The following SLC2A9 variants were observed in gnomAD, a reference collection of about 807,000 sequenced individuals.
SLC2A9 encodes solute carrier family 2 member 9, also known as solute carrier family 2, facilitated glucose transporter member 9.
A neutral mutation model predicts 50.6 loss-of-function variants in SLC2A9; 39 were observed. The ratio of observed to expected loss-of-function variants is 0.77; its 90% confidence interval spans 0.60 to 1.01. SLC2A9 has a LOEUF of 1.01. SLC2A9 is among the 50% of genes least tolerant of loss of function. SLC2A9 has a pLI of 0.00. For missense variants in SLC2A9, 686 were observed against 677.6 expected (o/e 1.01, Z -0.14); for synonymous variants, 324 against 276.9 (o/e 1.17, Z -1.69).
chr4:9,911,008 G>A (rs1168659366), intron 7 of SLC2A9, among the ~76,000 whole-genome samples: 1 of 149,594 alleles, frequency 6.7e-6, no homozygotes, highest in Non-Finnish European at 1.5e-5. Flanking sequence ...GGGTGTGGGG[G>A]GGCTAGAGGA....
chr4:10,015,835 C>CACTG (rs1560493401), intron 2 of SLC2A9, among the ~76,000 whole-genome samples: 1 of 152,222 alleles, frequency 6.6e-6, no homozygotes, highest in East Asian at 1.9e-4. Context: ...CAGCCAAAGA[C>CACTG]ACTGACGTCT....
At chr4:9,881,748 T>G (rs1735253981) in intron 10 of SLC2A9, among the ~76,000 whole-genome samples, 1 of 152,234 alleles carries the variant, frequency 6.6e-6, no homozygotes, top group South Asian at 2.1e-4. Flanking sequence ...AAGCCATGGC[T>G]GAAGGAATTC....
intron 2 of SLC2A9, among the ~76,000 whole-genome samples, chr4:10,015,267 C>A (rs1762428791): frequency 1.3e-5 from 2 of 152,228 alleles, no homozygotes; most frequent in African/African-American, 2.4e-5. Context: ...AAACTCCCCC[C>A]ATGGCTGGAC....
At chr4:9,788,920 G>T (rs1482197115) in intron 3 of SLC2A9, among the ~76,000 whole-genome samples, 1 of 152,138 alleles carries the variant, frequency 6.6e-6, no homozygotes. Context: ...GTAGAAAATG[G>T]TACAGAGAAA....
intron 6 of SLC2A9, among the ~76,000 whole-genome samples, chr4:9,926,678 T>C (rs1744960527): frequency 6.6e-6 from 1 of 152,034 alleles, no homozygotes; most frequent in South Asian, 2.1e-4. Context: ...TTCATAAACA[T>C]ATGCTGAAGT....
intron 8 of SLC2A9, among the ~76,000 whole-genome samples, chr4:9,896,420 G>T (rs1218288366): frequency 1.3e-5 from 2 of 152,124 alleles, no homozygotes; most frequent in Admixed American, 6.5e-5. Flanking sequence ...TAAAGCATGT[G>T]TTCATATATT....
chr4:9,984,084 T>A (rs1265005821), intron 4 of SLC2A9, among the ~76,000 whole-genome samples: 1 of 152,192 alleles, frequency 6.6e-6, no homozygotes, highest in Non-Finnish European at 1.5e-5. Context: ...GGATAAACTC[T>A]CAATAGCCAT....
rs375484164 is a variant in SLC2A9 at position 9,920,562 on chromosome 4, C to T, written c.825G>A (p.Thr275=). Residue 275 remains threonine (T), a synonymous_variant, in exon 7 of 12, where the codon ACG becomes ACA. Transcript: ENST00000264784. The part of the protein sequence containing the change: ...NEARAVKAFQ[T]FLGKADVSQE... ...GGGAAACGTCTGCTTTACCCAAGAACGTTTGGAAGGCTGCAAACAGAGGCA... is the reference window on the plus strand; with the variant it reads ...GGGAAACGTCTGCTTTACCCAAGAATGTTTGGAAGGCTGCAAACAGAGGCA... 105 of 1,614,010 alleles carry T rather than the reference C, an allele frequency of 6.5e-5. No individual in the cohort carries two copies. The highest frequency in any genetic ancestry group is 7.5e-5 in the Non-Finnish European group (89 of 1,180,046).
At chr4:9,852,789 A>G (rs1730170406) in intron 10 of SLC2A9, among the ~76,000 whole-genome samples, 2 of 152,226 alleles carry the variant, frequency 1.3e-5, no homozygotes, top group Admixed American at 1.3e-4. Flanking sequence ...ACTATAAAAC[A>G]ACTACACAAT....
intron 10 of SLC2A9, among the ~76,000 whole-genome samples, chr4:9,869,931 G>A (rs1733136249): frequency 6.6e-6 from 1 of 152,234 alleles, no homozygotes; most frequent in African/African-American, 2.4e-5. Context: ...ATTAGGTTAA[G>A]GATGTTGAGA....
chr4:9,780,250 G>C (rs1167646326), intron 3 of SLC2A9, among the ~76,000 whole-genome samples: 2 of 152,138 alleles, frequency 1.3e-5, no homozygotes, highest in Non-Finnish European at 2.9e-5. Flanking sequence ...AGAGACTGGA[G>C]GCCAGGAAAG....
At chr4:10,000,185 T>C (rs914578250) in intron 2 of SLC2A9, among the ~76,000 whole-genome samples, 1 of 152,212 alleles carries the variant, frequency 6.6e-6, no homozygotes, top group Non-Finnish European at 1.5e-5. Flanking sequence ...GCTACAGCTA[T>C]TTCTATCGAT....
chr4:9,867,199 T>C (rs1256824722), intron 10 of SLC2A9, among the ~76,000 whole-genome samples: 1 of 152,238 alleles, frequency 6.6e-6, no homozygotes, highest in African/African-American at 2.4e-5. Context: ...AAAGTACAAA[T>C]TGAAACAGAG....
At chr4:9,907,862 GACCTCCT>G (rs1359543697) in intron 8 of SLC2A9, among the ~76,000 whole-genome samples, 1 of 152,198 alleles carries the variant, frequency 6.6e-6, no homozygotes, top group Non-Finnish European at 1.5e-5. Context: ...GCTGCATGAT[GACCTCCT>G]AAAATCCAGC....
chr4:9,830,432 A>G (rs1251405182), intron 11 of SLC2A9, among the ~76,000 whole-genome samples: 1 of 152,192 alleles, frequency 6.6e-6, no homozygotes, highest in Non-Finnish European at 1.5e-5. Context: ...TACCTAGGTG[A>G]TTGGTTGATC....
chr4:9,946,670 G>C (rs1749223987), intron 5 of SLC2A9, among the ~76,000 whole-genome samples: 1 of 152,194 alleles, frequency 6.6e-6, no homozygotes, highest in South Asian at 2.1e-4. Context: ...GGCTTACATT[G>C]ATCAAGTGGG....
At chr4:10,000,726 G>T (rs942162417) in intron 2 of SLC2A9, among the ~76,000 whole-genome samples, 1 of 152,132 alleles carries the variant, frequency 6.6e-6, no homozygotes, top group Non-Finnish European at 1.5e-5. Context: ...TTTATGTCCT[G>T]CTGGACATAG....
At chr4:10,023,735 C>A (rs1056988431), upstream of SLC2A9, among the ~76,000 whole-genome samples, 1 of 152,210 alleles carries the variant, frequency 6.6e-6, no homozygotes, top group Non-Finnish European at 1.5e-5. Flanking sequence ...GTGCACAGGG[C>A]TTTCCCAAGT....
At chr4:9,966,607 C>T (rs1283847523) in intron 5 of SLC2A9, among the ~76,000 whole-genome samples, 1 of 112,416 alleles carries the variant, frequency 8.9e-6, no homozygotes, top group Non-Finnish European at 1.8e-5. Context: ...GAGCCAAGGT[C>T]GAGCCCTGCA....
Sources: gnomAD v4.1 joint callset for allele counts (sites outside exome capture counted in the v4.1 genomes callset) on GRCh38, gnomAD v4.1.1 for gene constraint, MANE v1.5 for transcripts, NCBI Gene and HGNC (gene_info 2026-07-23, HGNC 2026-07-21) for gene names.